Variants in SPAG16 observed in about 807,000 individuals in gnomAD.
SPAG16 encodes sperm-associated antigen 16 protein.
Under a neutral mutation model 80.4 loss-of-function variants are expected in SPAG16, and 86 were observed. The observed-to-expected ratio is 1.07, with a 90% CI of 0.90 to 1.28. The LOEUF (loss-of-function observed/expected upper bound fraction) is 1.28, where lower values mean the gene tolerates loss of function less well. SPAG16 is among the 50% of genes most tolerant of loss of function. The pLI is 0.00. For synonymous variants in SPAG16, 294 were observed against 265.9 expected (o/e 1.11, Z -1.03); for missense variants, 870 against 765.3 (o/e 1.14, Z -1.61).
intron 15 of SPAG16, among the ~76,000 whole-genome samples, chr2:214,154,498 ACCCC>A (rs67537759): frequency 8.4e-6 from 1 of 119,116 alleles, no homozygotes; most frequent in Non-Finnish European, 1.7e-5. Flanking sequence ...AAAGTATCAG[ACCCC>A]CCCCCCCCAT....
intron 15 of SPAG16, among the ~76,000 whole-genome samples, chr2:214,233,178 C>G (rs571749333): frequency 1.3e-5 from 2 of 152,042 alleles, no homozygotes; most frequent in South Asian, 2.1e-4. Context: ...GGAGGGAGAA[C>G]AGCCCCTGGA....
intron 9 of SPAG16, among the ~76,000 whole-genome samples, chr2:213,442,439 G>A (rs4372827): frequency 0.097 from 14,826 of 152,136 alleles, 1,893 homozygotes; most frequent in African/African-American, 0.29. Context: ...GTTTATATGG[G>A]TATTCAAAAG....
chr2:214,006,084 T>C (rs1324384059), intron 12 of SPAG16, among the ~76,000 whole-genome samples: 3 of 152,222 alleles, frequency 2.0e-5, no homozygotes, highest in African/African-American at 7.2e-5. Context: ...TGAATTCTAG[T>C]ATTCCCTTTG....
chr2:213,835,577 T>C (rs1297407013), intron 10 of SPAG16, among the ~76,000 whole-genome samples: 1 of 152,138 alleles, frequency 6.6e-6, no homozygotes, highest in Admixed American at 6.6e-5. Flanking sequence ...TCTCCCTCCT[T>C]CTAAGGTTTC....
At chr2:213,299,925 G>A (rs2062665688) in intron 3 of SPAG16, among the ~76,000 whole-genome samples, 1 of 152,058 alleles carries the variant, frequency 6.6e-6, no homozygotes. Context: ...ATTACTTAGG[G>A]ATATTTGTAT....
At position 213,301,929 on chromosome 2, in the gene SPAG16, C is replaced by T. The variant is rs138791104; in HGVS notation, c.279+4572C>T. ...TGTTGTATTTCCTCATCGTCTGTAA[C>T]GTTCAACCTAATAGTCTCCTTAACA... On this transcript the variant is annotated intron_variant, in intron 3 of 15. Coordinates refer to ENST00000331683, the MANE Select transcript of SPAG16 (RefSeq NM_024532.5). Among the ~76,000 whole-genome samples the T allele has an allele frequency of 6.6e-4, 100 of 152,236 alleles. No individual in the cohort carries two copies. In the East Asian group the frequency reaches 0.017, roughly 26 times the overall value.
At chr2:214,258,095 T>C (rs2125864028) in intron 15 of SPAG16, among the ~76,000 whole-genome samples, 1 of 152,222 alleles carries the variant, frequency 6.6e-6, no homozygotes, top group African/African-American at 2.4e-5. Flanking sequence ...GTGGTAGATA[T>C]TTTATTTTTC....
At chr2:214,067,973 C>T (rs1284078767) in intron 13 of SPAG16, among the ~76,000 whole-genome samples, 1 of 151,994 alleles carries the variant, frequency 6.6e-6, no homozygotes, top group Non-Finnish European at 1.5e-5. Flanking sequence ...AGAATTTAAC[C>T]TTCAAAATAT....
At chr2:213,354,103 T>C (rs2065491550) in intron 7 of SPAG16, among the ~76,000 whole-genome samples, 1 of 152,200 alleles carries the variant, frequency 6.6e-6, no homozygotes, top group Non-Finnish European at 1.5e-5. Context: ...TTCTCATTGT[T>C]CGTTTCCCAC....
chr2:213,745,721 T>C lies in SPAG16; in HGVS notation c.1071-116764T>C, dbSNP rs191812270. 1.2e-4 allele frequency among the ~76,000 whole-genome samples: 19 copies of C among 152,298 alleles called. 1 individual carries two copies. The highest frequency in any genetic ancestry group is 1.0e-3 in the Admixed American group (16 of 15,284). On this transcript the variant is annotated intron_variant, in intron 10 of 15. Coordinates refer to ENST00000331683, the MANE Select transcript of SPAG16 (RefSeq NM_024532.5). ...ATGTCTTTAGTATATGGTGCTTTAT[T>C]CAAATGCCATAATTATAAAAATATC...
At chr2:213,574,972 C>G (rs1026106353) in intron 10 of SPAG16, among the ~76,000 whole-genome samples, 24 of 152,142 alleles carry the variant, frequency 1.6e-4, no homozygotes, top group Non-Finnish European at 2.2e-4. Flanking sequence ...TATCCATAAC[C>G]ATTATCCGTT....
intron 10 of SPAG16, among the ~76,000 whole-genome samples, chr2:213,793,342 ACCTTTAT>A (rs2070824333): frequency 6.6e-6 from 1 of 152,094 alleles, no homozygotes; most frequent in South Asian, 2.1e-4. Context: ...AAACATGCAA[ACCTTTAT>A]CCTGTACCCG....
intron 13 of SPAG16, among the ~76,000 whole-genome samples, chr2:214,064,589 C>T (rs11689583): frequency 0.19 from 28,894 of 151,986 alleles, 3,312 homozygotes; most frequent in Middle Eastern, 0.28. Flanking sequence ...AACTGTTCCT[C>T]AGTTCATAGT....
intron 12 of SPAG16, among the ~76,000 whole-genome samples, chr2:213,946,692 A>G (rs573219769): frequency 2.4e-4 from 36 of 152,186 alleles, no homozygotes; most frequent in Non-Finnish European, 4.1e-4. Flanking sequence ...TCATATTTCA[A>G]CAGTTTCTAC....
chr2:214,334,530 G>C (rs997643409), intron 15 of SPAG16, among the ~76,000 whole-genome samples: 7 of 152,154 alleles, frequency 4.6e-5, no homozygotes, highest in African/African-American at 1.7e-4. Flanking sequence ...CTGCCACCCA[G>C]CTTTATCCTC....
intron 10 of SPAG16, among the ~76,000 whole-genome samples, chr2:213,618,739 T>C (rs2061678256): frequency 6.6e-6 from 1 of 151,870 alleles, no homozygotes; most frequent in Non-Finnish European, 1.5e-5. Context: ...GCACAGAATT[T>C]AAAAAAAATT....
At chr2:213,565,205 C>G (rs1176769862) in intron 10 of SPAG16, among the ~76,000 whole-genome samples, 1 of 152,134 alleles carries the variant, frequency 6.6e-6, no homozygotes, top group African/African-American at 2.4e-5. Context: ...GTTCCATGTT[C>G]ATTTCATTCC....
At chr2:214,357,298 C>G (rs1280952862) in intron 15 of SPAG16, among the ~76,000 whole-genome samples, 1 of 151,844 alleles carries the variant, frequency 6.6e-6, no homozygotes, top group Non-Finnish European at 1.5e-5. Flanking sequence ...AATAATTTCT[C>G]TCCATATCCT....
intron 9 of SPAG16, among the ~76,000 whole-genome samples, chr2:213,447,954 T>G (rs1026034102): frequency 6.6e-6 from 1 of 152,234 alleles, no homozygotes; most frequent in African/African-American, 2.4e-5. Context: ...TCTAAGAGAT[T>G]TGTTGTTACT....
Sources: allele counts gnomAD v4.1 joint callset (sites outside exome capture counted in the v4.1 genomes callset), GRCh38; gene constraint gnomAD v4.1.1; transcripts MANE v1.5; gene names NCBI Gene and HGNC (gene_info 2026-07-23, HGNC 2026-07-21).